SLC8A1: variants seen among roughly 807,000 people sequenced by gnomAD.
SLC8A1 encodes the protein solute carrier family 8 member A1.
A neutral mutation model predicts 68.3 loss-of-function variants in SLC8A1; 18 were observed. The ratio of observed to expected loss-of-function variants is 0.26; its 90% confidence interval spans 0.18 to 0.39. SLC8A1 has a LOEUF of 0.39. Among genes scored for constraint, SLC8A1 ranks in the 10% least tolerant of loss-of-function variants. The pLI is 1.00. For missense variants in SLC8A1, 985 were observed against 1,156.7 expected (o/e 0.85, Z 2.15); for synonymous variants, 475 against 415.5 (o/e 1.14, Z -1.74).
intron 2 of SLC8A1, among the ~76,000 whole-genome samples, chr2:40,312,847 C>T (rs563335910): frequency 3.3e-5 from 5 of 151,952 alleles, no homozygotes; most frequent in South Asian, 2.1e-4. Context: ...TTCTAGAGAT[C>T]GATTGTTCCA....
At chr2:40,183,644 T>C (rs940625534) in intron 2 of SLC8A1, among the ~76,000 whole-genome samples, 1 of 152,282 alleles carries the variant, frequency 6.6e-6, no homozygotes, top group East Asian at 1.9e-4. Flanking sequence ...ATGACTCTTA[T>C]GTATGCTGAA....
intron 2 of SLC8A1, among the ~76,000 whole-genome samples, chr2:40,277,794 GTATATATATATATATATATATATATATA>G (rs56145701): frequency 9.3e-6 from 1 of 108,008 alleles, no homozygotes; most frequent in Admixed American, 1.1e-4. Flanking sequence ...ATATATGTGT[GTATATATATATATATATATATATATATA>G]TATATATATT....
intron 2 of SLC8A1, among the ~76,000 whole-genome samples, chr2:40,235,138 C>G (rs2060195247): frequency 6.6e-6 from 1 of 152,116 alleles, no homozygotes; most frequent in African/African-American, 2.4e-5. Flanking sequence ...AGGATTCCCT[C>G]TTTTTCTATT....
intron 3 of SLC8A1, among the ~76,000 whole-genome samples, chr2:40,176,672 G>A (rs1388309261): frequency 2.0e-5 from 3 of 152,064 alleles, no homozygotes; most frequent in African/African-American, 7.2e-5. Flanking sequence ...ATGAACGTGG[G>A]ATAAATTTTC....
At chr2:40,418,602 C>T (rs1462871896) in intron 2 of SLC8A1, among the ~76,000 whole-genome samples, 1 of 152,218 alleles carries the variant, frequency 6.6e-6, no homozygotes, top group Non-Finnish European at 1.5e-5. Context: ...GCTTAATAAG[C>T]TCATACCATT....
exon 8 of SLC8A1, chr2:40,101,059 T>C (rs968979959): frequency 2.0e-5 from 3 of 152,164 alleles, no homozygotes; most frequent in Non-Finnish European, 2.9e-5. Context: ...TCAGGAAACA[T>C]ACATGTGTGT....
exon 2 of SLC8A1, chr2:40,429,786 G>C (rs745478056): frequency 4.5e-5 from 73 of 1,613,794 alleles, no homozygotes; most frequent in Non-Finnish European, 6.0e-5. Context: ...TAGGACCGAG[G>C]TCTCCTGCAG....
At chr2:40,512,214 C>A (rs950175124) in intron 1 of SLC8A1, 1 of 149,088 alleles carries the variant, frequency 6.7e-6, no homozygotes, top group Non-Finnish European at 1.5e-5. Context: ...CTAGCTCCAA[C>A]CTATTTTTTT....
intron 2 of SLC8A1, among the ~76,000 whole-genome samples, chr2:40,395,811 C>T (rs1686735162): frequency 6.6e-6 from 1 of 152,100 alleles, no homozygotes; most frequent in Non-Finnish European, 1.5e-5. Context: ...AATTAGAACA[C>T]AGCTGACACA....
intron 2 of SLC8A1, among the ~76,000 whole-genome samples, chr2:40,220,827 A>G (rs1261050882): frequency 2.6e-5 from 4 of 152,066 alleles, no homozygotes; most frequent in Non-Finnish European, 4.4e-5. Context: ...GAGGAAGAGA[A>G]AGAGCTTAGT....
chr2:40,140,691 T>C (rs528014021), intron 6 of SLC8A1, among the ~76,000 whole-genome samples: 8 of 152,262 alleles, frequency 5.3e-5, no homozygotes, highest in African/African-American at 1.9e-4. Context: ...CTGAGAACCC[T>C]TCCAGGGCAG....
intron 7 of SLC8A1, among the ~76,000 whole-genome samples, chr2:40,121,784 A>G (rs1184649109): frequency 6.6e-6 from 1 of 152,214 alleles, no homozygotes; most frequent in East Asian, 1.9e-4. Context: ...ACTATTGCCA[A>G]TGATTCTATA....
chr2:40,385,089 A>T (rs1214351693), intron 2 of SLC8A1, among the ~76,000 whole-genome samples: 1 of 152,088 alleles, frequency 6.6e-6, no homozygotes, highest in Non-Finnish European at 1.5e-5. Context: ...AGTACTCAAA[A>T]ATTCAACTCT....
intron 2 of SLC8A1, among the ~76,000 whole-genome samples, chr2:40,398,827 C>G (rs1687812143): frequency 6.6e-6 from 1 of 152,200 alleles, no homozygotes; most frequent in Non-Finnish European, 1.5e-5. Context: ...TCAACTGCTA[C>G]TACCCAGTTT....
At chr2:40,380,010 C>T (rs1681214343) in intron 2 of SLC8A1, among the ~76,000 whole-genome samples, 1 of 152,046 alleles carries the variant, frequency 6.6e-6, no homozygotes, top group South Asian at 2.1e-4. Flanking sequence ...TCACTTGATA[C>T]CACATGTCAG....
intron 2 of SLC8A1, among the ~76,000 whole-genome samples, chr2:40,309,038 A>G (rs2073189435): frequency 6.6e-6 from 1 of 152,158 alleles, no homozygotes; most frequent in African/African-American, 2.4e-5. Flanking sequence ...ACATGGTGAA[A>G]TAACTAGTTG....
chr2:40,129,737 C>T (rs1429764394), intron 7 of SLC8A1, among the ~76,000 whole-genome samples: 1 of 152,184 alleles, frequency 6.6e-6, no homozygotes, highest in East Asian at 1.9e-4. Context: ...ACCCTCCAAA[C>T]ACAAAACACA....
At chr2:40,360,501 A>C (rs953337640) in intron 2 of SLC8A1, among the ~76,000 whole-genome samples, 17 of 152,148 alleles carry the variant, frequency 1.1e-4, no homozygotes, top group African/African-American at 4.1e-4. Context: ...AACAGTTAAC[A>C]CTTCCTGAGA....
chr2:40,439,046 C>A (rs1700006215), intron 1 of SLC8A1, among the ~76,000 whole-genome samples: 1 of 152,002 alleles, frequency 6.6e-6, no homozygotes. Context: ...CAGACTGGGT[C>A]TCCAGGCAGG....
Sources: allele counts gnomAD v4.1 joint callset (sites outside exome capture counted in the v4.1 genomes callset), GRCh38; gene constraint gnomAD v4.1.1; transcripts MANE v1.5; gene names NCBI Gene and HGNC (gene_info 2026-07-23, HGNC 2026-07-21).